Variants in SUMF1 observed in about 807,000 individuals in gnomAD.
SUMF1 encodes formylglycine-generating enzyme.
SUMF1 carries 48 observed loss-of-function variants against 47.6 expected under a neutral mutation model. The ratio of observed to expected loss-of-function variants is 1.01; its 90% CI spans 0.80 to 1.28. The LOEUF is 1.28. SUMF1 is among the 50% of genes most tolerant of loss of function. The pLI is 0.00. For synonymous variants in SUMF1, 230 were observed against 192.1 expected (o/e 1.20, Z -1.63); for missense variants, 571 against 485.4 (o/e 1.18, Z -1.66).
At chr3:4,281,300 T>C (rs370413643) in intron 8 of SUMF1, among the ~76,000 whole-genome samples, 41 of 152,236 alleles carry the variant, frequency 2.7e-4, no homozygotes, top group African/African-American at 9.2e-4. Context: ...GATGTTATTA[T>C]AGCTTTGATT....
At chr3:4,076,513 G>A (rs1181525879) in intron 8 of SUMF1, among the ~76,000 whole-genome samples, 17 of 152,094 alleles carry the variant, frequency 1.1e-4, no homozygotes, top group Admixed American at 1.1e-3. Context: ...TTAAGTTAAA[G>A]AGCTTCTGCA....
intron 8 of SUMF1, among the ~76,000 whole-genome samples, chr3:4,341,380 T>C (rs539688997): frequency 9.2e-4 from 140 of 152,194 alleles, no homozygotes; most frequent in Non-Finnish European, 1.5e-3. Flanking sequence ...AAGGGCATTT[T>C]GGTTTTTTTA....
chr3:4,063,984 A>G (rs1172981710), intron 9 of SUMF1, among the ~76,000 whole-genome samples: 1 of 152,136 alleles, frequency 6.6e-6, no homozygotes, highest in Non-Finnish European at 1.5e-5. Context: ...GATTGTCCCA[A>G]CAAGATACAA....
At chr3:4,049,392 G>A (rs1359056397) in intron 9 of SUMF1, among the ~76,000 whole-genome samples, 1 of 152,180 alleles carries the variant, frequency 6.6e-6, no homozygotes, top group South Asian at 2.1e-4. Flanking sequence ...ACAGCAGGGA[G>A]CTCATGCCAA....
intron 8 of SUMF1, among the ~76,000 whole-genome samples, chr3:4,235,727 G>A (rs555160549): frequency 1.3e-5 from 2 of 152,002 alleles, no homozygotes; most frequent in Non-Finnish European, 2.9e-5. Context: ...GTGGAAGGTT[G>A]GGACAAGGAG....
intron 8 of SUMF1, chr3:4,316,901 G>A (rs1202139286): frequency 7.1e-6 from 11 of 1,549,322 alleles, no homozygotes; most frequent in Non-Finnish European, 9.6e-6. Flanking sequence ...ACCAAAAACT[G>A]CAACGCCTGC....
chr3:4,369,920 T>A (rs1242663351), intron 8 of SUMF1, among the ~76,000 whole-genome samples: 2 of 152,138 alleles, frequency 1.3e-5, no homozygotes, highest in African/African-American at 4.8e-5. Flanking sequence ...TCACTGAATA[T>A]ATGAGAGCTT....
chr3:4,196,471 T>C (rs1438278384), intron 8 of SUMF1, among the ~76,000 whole-genome samples: 3 of 152,102 alleles, frequency 2.0e-5, no homozygotes, highest in African/African-American at 7.2e-5. Flanking sequence ...AGTCAAGGAC[T>C]GAAACATCCT....
chr3:4,362,188 G>C lies in SUMF1; in HGVS notation c.1081C>G (p.Leu361Val). The change falls in exon 9 of 9, where the codon CTG becomes GTG. Residue 361 changes from leucine (L) to valine (V), a missense_variant. Coordinates refer to ENST00000272902, the MANE Select transcript of SUMF1 (RefSeq NM_182760.4). Reference sequence around the variant, plus strand: ...CGGTCGGCTGCACAGCGGAATCCCAGATTCGAAGCAGAGCTATCAGGTGTG... The same window carrying C: ...CGGTCGGCTGCACAGCGGAATCCCACATTCGAAGCAGAGCTATCAGGTGTG... Reference protein sequence around the residue: ...QNTPDSSASNLGFRCAADRLP... With the variant: ...QNTPDSSASNVGFRCAADRLP... 2 of 1,614,212 alleles carry C rather than the reference G, an allele frequency of 1.2e-6. No individual in the cohort carries two copies. Among genetic ancestry groups the C allele is most frequent in the Non-Finnish European group, 1.7e-6 (2 of 1,180,018 alleles).
At chr3:4,223,864 C>T (rs1349234977) in intron 8 of SUMF1, among the ~76,000 whole-genome samples, 1 of 152,142 alleles carries the variant, frequency 6.6e-6, no homozygotes, top group Non-Finnish European at 1.5e-5. Context: ...CTGCCAAATA[C>T]CAACTGTGCG....
intron 8 of SUMF1, among the ~76,000 whole-genome samples, chr3:4,369,576 T>C (rs987491835): frequency 6.6e-6 from 1 of 152,202 alleles, no homozygotes; most frequent in Non-Finnish European, 1.5e-5. Context: ...GACATGTCAT[T>C]CTTGTCCCAT....
chr3:4,114,085 G>C (rs35441937), intron 8 of SUMF1, among the ~76,000 whole-genome samples: 60,018 of 151,862 alleles, frequency 0.4, 12,295 homozygotes, highest in Non-Finnish European at 0.44. Flanking sequence ...TTGGGTAGAA[G>C]GTGGGAGATG....
chr3:4,037,187 G>A (rs1694816625), intron 9 of SUMF1, among the ~76,000 whole-genome samples: 1 of 152,112 alleles, frequency 6.6e-6, no homozygotes, highest in Non-Finnish European at 1.5e-5. Flanking sequence ...GAAATAATAT[G>A]GATAGACCAC....
At chr3:4,321,587 C>A (rs1698835700) in intron 8 of SUMF1, among the ~76,000 whole-genome samples, 1 of 149,340 alleles carries the variant, frequency 6.7e-6, no homozygotes, top group Non-Finnish European at 1.5e-5. Flanking sequence ...ATAATTTGAG[C>A]AAGATAATAA....
At chr3:4,407,309 A>G (rs533646311) in intron 7 of SUMF1, among the ~76,000 whole-genome samples, 2 of 152,358 alleles carry the variant, frequency 1.3e-5, no homozygotes, top group East Asian at 3.9e-4. Context: ...TAGCCTTTGC[A>G]TACAGGGCAC....
At chr3:4,145,453 C>A (rs942562584) in intron 8 of SUMF1, among the ~76,000 whole-genome samples, 2 of 152,106 alleles carry the variant, frequency 1.3e-5, no homozygotes, top group Non-Finnish European at 2.9e-5. Context: ...TCTGCTAAAT[C>A]CTACCTCTCT....
intron 3 of SUMF1, among the ~76,000 whole-genome samples, chr3:4,447,451 C>T (rs2125119058): frequency 6.6e-6 from 1 of 152,210 alleles, no homozygotes; most frequent in East Asian, 1.9e-4. Context: ...AAGGAAAGTG[C>T]TTTCTCACTA....
In SUMF1 at chr3:4,452,857, C is replaced by A; in HGVS notation, c.444+19G>T. 6.2e-7 allele frequency: 1 copy of A among 1,614,060 alleles called. No individual in the cohort carries two copies. Among genetic ancestry groups the A allele is most frequent in the Middle Eastern group, 1.7e-4 (1 of 6,060 alleles). On this transcript the variant is annotated intron_variant, in intron 2 of 8. Coordinates refer to ENST00000272902, the MANE Select transcript of SUMF1 (RefSeq NM_182760.4). ...TCTGGAAAAGAACAAGTTCTCCCTC[C>A]TTTCCCCAATCCCATTACCTCTGTC... is the stretch of plus-strand genomic sequence containing the variant.
chr3:4,284,812 G>A (rs1339777064), intron 8 of SUMF1, among the ~76,000 whole-genome samples: 1 of 152,116 alleles, frequency 6.6e-6, no homozygotes, highest in Non-Finnish European at 1.5e-5. Context: ...TGTGGTGCTT[G>A]TAAATGAGAA....
Sources: allele counts gnomAD v4.1 joint callset (sites outside exome capture counted in the v4.1 genomes callset), GRCh38; gene constraint gnomAD v4.1.1; transcripts MANE v1.5; gene names NCBI Gene and HGNC (gene_info 2026-07-23, HGNC 2026-07-21).